YEATS4: variants seen among roughly 807,000 people sequenced by gnomAD.
YEATS4 encodes YEATS domain containing 4.
Under a neutral mutation model 30.1 loss-of-function variants are expected in YEATS4, and 17 were observed. That is an observed-to-expected ratio of 0.56 (90% CI 0.39 to 0.85). YEATS4 has a LOEUF of 0.85. Ranked by LOEUF, YEATS4 falls within the 40% of genes least tolerant of loss-of-function variation. YEATS4 has a pLI of 0.00. For synonymous variants in YEATS4, 85 were observed against 87.5 expected, an observed-to-expected ratio of 0.97 and a Z score of 0.16; for missense variants, 142 against 268.3, an observed-to-expected ratio of 0.53 and a Z score of 3.29.
chr12:69,368,860 G>C (rs1368950007), intron 4 of YEATS4, among the ~76,000 whole-genome samples: 1 of 152,078 alleles, frequency 6.6e-6, no homozygotes, highest in Non-Finnish European at 1.5e-5. Flanking sequence ...ATTGGATTGT[G>C]GTCCACCCTA....
intron 1 of YEATS4, among the ~76,000 whole-genome samples, chr12:69,361,717 A>G (rs557874195): frequency 7.2e-5 from 11 of 152,370 alleles, no homozygotes; most frequent in African/African-American, 2.6e-4. Context: ...CATGTGCAAC[A>G]TTCAATATTT....
intron 6 of YEATS4, among the ~76,000 whole-genome samples, chr12:69,379,240 T>C (rs546319495): frequency 1.3e-5 from 2 of 152,324 alleles, no homozygotes; most frequent in Admixed American, 1.3e-4. Context: ...CTTGAGGTAG[T>C]CTTCTGTGTG....
At chr12:69,391,073 C>A (rs1297888073), downstream of YEATS4, among the ~76,000 whole-genome samples, 2 of 152,180 alleles carry the variant, frequency 1.3e-5, no homozygotes, top group Admixed American at 1.3e-4. Context: ...GCAGGTGGAT[C>A]ACCTGAAGTC....
At chr12:69,424,263 A>T in the YEATS4 span, among the ~76,000 whole-genome samples, 1 of 152,202 alleles carries the variant, frequency 6.6e-6, no homozygotes, top group Non-Finnish European at 1.5e-5. Flanking sequence ...ATATGTGGCC[A>T]TCACAGTAGA....
At position 69,370,037 on chromosome 12, in the gene YEATS4, C is replaced by T. The variant is rs1157510757; in HGVS notation, c.334-669C>T. On this transcript the variant is annotated intron_variant, in intron 4 of 6. Transcript: ENST00000247843. ...TACCATTCTCTTACAATTATGCTAG[C>T]TAACTTTTTAGAAAATTATTTGGGG... Among the ~76,000 whole-genome samples the T allele has an allele frequency of 3.3e-5, 5 of 152,142 alleles. No individual in the cohort carries two copies. In the East Asian group the frequency reaches 9.6e-4, roughly 29 times the overall value.
chr12:69,377,606 G>A (rs887580020), intron 6 of YEATS4, among the ~76,000 whole-genome samples: 3 of 152,112 alleles, frequency 2.0e-5, no homozygotes, highest in African/African-American at 7.2e-5. Flanking sequence ...TGGTCATTCA[G>A]AAGCATATTG....
chr12:69,374,504 A>G (rs1272357709), intron 6 of YEATS4, among the ~76,000 whole-genome samples: 1 of 152,114 alleles, frequency 6.6e-6, no homozygotes, highest in Non-Finnish European at 1.5e-5. Context: ...GAAGGTCAGC[A>G]GATAAACATG....
At chr12:69,417,153 A>ATTTT in the YEATS4 span, among the ~76,000 whole-genome samples, 5 of 136,370 alleles carry the variant, frequency 3.7e-5, no homozygotes, top group African/African-American at 1.1e-4. Context: ...ATTTTTTAAA[A>ATTTT]ATTTTTTTTT....
chr12:69,382,304 G>A (rs927645126), intron 6 of YEATS4, among the ~76,000 whole-genome samples: 6 of 152,184 alleles, frequency 3.9e-5, no homozygotes, highest in South Asian at 2.1e-4. Flanking sequence ...CCTGGGCTGC[G>A]GGTAGGTCCA....
intron 4 of YEATS4, among the ~76,000 whole-genome samples, chr12:69,367,852 C>T (rs960916325): frequency 1.3e-5 from 2 of 152,118 alleles, no homozygotes; most frequent in African/African-American, 4.8e-5. Context: ...CTCTTTTTAA[C>T]TTTGTAAGAT....
intron 6 of YEATS4, among the ~76,000 whole-genome samples, chr12:69,375,269 C>T (rs1485660537): frequency 4.2e-5 from 6 of 141,914 alleles, no homozygotes; most frequent in African/African-American, 8.0e-5. Flanking sequence ...CAGATGGGGT[C>T]GCGGCCGGGC....
chr12:69,416,309 C>T, the YEATS4 span, among the ~76,000 whole-genome samples: 1 of 152,266 alleles, frequency 6.6e-6, no homozygotes. Flanking sequence ...AATTTGTTAT[C>T]TAGCAACAAA....
At chr12:69,399,806 T>TA in the YEATS4 span, among the ~76,000 whole-genome samples, 2 of 152,146 alleles carry the variant, frequency 1.3e-5, no homozygotes, top group African/African-American at 2.4e-5. Flanking sequence ...TACTCAGCAG[T>TA]AAAAATGAAT....
In YEATS4 at chr12:69,370,800, TAAG is replaced by T. The variant is rs770780302; in HGVS notation, c.426+7_426+9del. 4 of 1,596,322 alleles carry T rather than the reference TAAG, an allele frequency of 2.5e-6. No individual in the cohort carries two copies. Among genetic ancestry groups the T allele is most frequent in the East Asian group, 2.2e-5 (1 of 44,690 alleles). ...GTTTCAGAGTTCTATGATGAAATGG[TAAG>T]AAGATTTTATAATGATAGTTTTAAA... On this transcript the variant is annotated splice_donor_5th_base_variant and intron_variant, in intron 5 of 6. Transcript: ENST00000247843.
Position 69,389,197 on chromosome 12 carries a change from C to A in YEATS4, c.515-950C>A, listed in dbSNP as rs1263073195. ...GGGCCTGGTGGCTTATGCCTGTAAT[C>A]CCCGCACTTTGGGAGGCTAAGGAGG... On this transcript the variant is annotated intron_variant, in intron 6 of 6. Transcript: ENST00000247843. Among the ~76,000 whole-genome samples the A allele has an allele frequency of 2.0e-5, 3 of 152,036 alleles. No homozygotes were observed. The East Asian group carries it at 5.8e-4, about 29-fold the overall frequency.
chr12:69,421,955 C>T, the YEATS4 span, among the ~76,000 whole-genome samples: 1 of 152,180 alleles, frequency 6.6e-6, no homozygotes, highest in African/African-American at 2.4e-5. Flanking sequence ...GTTCTAGCAA[C>T]CCCTGCTTTA....
At chr12:69,396,627 G>T in the YEATS4 span, among the ~76,000 whole-genome samples, 1 of 152,096 alleles carries the variant, frequency 6.6e-6, no homozygotes, top group East Asian at 1.9e-4. Context: ...ATGAGAACAT[G>T]AGTTAATCTG....
Position 69,359,853 on chromosome 12 carries a change from C to T in YEATS4, c.-120C>T, listed in dbSNP as rs1875109698. On this transcript the variant is annotated 5_prime_UTR_variant, in exon 1 of 7. Transcript: ENST00000247843. ...CCGTGAGCCCAAGTAACTCGCCCTC[C>T]TTCGGCTAGAAACCCTCCGCCTGGG... The T allele has an allele frequency of 7.9e-7, 1 of 1,264,070 alleles. No homozygotes were observed. The highest frequency in any genetic ancestry group is 1.1e-6 in the Non-Finnish European group (1 of 910,290). The allele number at this position is 1,264,070 out of a possible 1,614,324, so 78.3% of individuals were successfully genotyped here. A position where few individuals can be genotyped will look rare whatever the true frequency, so the allele number is the denominator to read the frequency against.
chr12:69,364,395 A>G, intron 2 of YEATS4: 1 of 198,986 alleles, frequency 5.0e-6, no homozygotes, highest in South Asian at 6.3e-5. Context: ...AAGTAAATTA[A>G]AAAGTTAATA....
Sources: gnomAD v4.1 joint callset for allele counts (sites outside exome capture counted in the v4.1 genomes callset) on GRCh38, gnomAD v4.1.1 for gene constraint, MANE v1.5 for transcripts, NCBI Gene and HGNC (gene_info 2026-07-23, HGNC 2026-07-21) for gene names.